HECW1: variants seen among roughly 807,000 people sequenced by gnomAD.
HECW1 encodes the protein E3 ubiquitin-protein ligase HECW1.
HECW1 carries 61 observed loss-of-function variants against 182.3 expected under a neutral mutation model. The observed-to-expected ratio is 0.33, with a 90% CI of 0.27 to 0.41. The LOEUF is 0.41. HECW1 is among the 10% of genes least tolerant of loss of function. The probability of loss-of-function intolerance (pLI) is 1.00; values close to 1 mark genes in which losing one functional copy is unlikely to be tolerated. For missense variants in HECW1, 1,739 were observed against 2,108.9 expected, an observed-to-expected ratio of 0.82 and a Z score of 3.44; for synonymous variants, 859 against 832.6, an observed-to-expected ratio of 1.03 and a Z score of -0.55.
At chr7:43,270,050 A>G (rs530396931) in intron 3 of HECW1, among the ~76,000 whole-genome samples, 4 of 152,376 alleles carry the variant, frequency 2.6e-5, no homozygotes, top group African/African-American at 7.2e-5. Flanking sequence ...CCCTGTTACT[A>G]GAATATAGTA....
At chr7:43,320,870 A>G in intron 5 of HECW1, 128 bp downstream of exon 5, 1 of 710,614 alleles carries the variant, frequency 1.4e-6, no homozygotes, top group Non-Finnish European at 2.5e-6. Context: ...GTGTAGATTT[A>G]AAGAGATCCT....
intron 10 of HECW1, among the ~76,000 whole-genome samples, chr7:43,443,655 A>G (rs1232012004): frequency 3.3e-5 from 5 of 152,128 alleles, no homozygotes; most frequent in Admixed American, 3.3e-4. Flanking sequence ...TTTTTTTTAA[A>G]TTGGAATAAA....
chr7:43,235,801 A>AC (rs1225068858), intron 2 of HECW1, among the ~76,000 whole-genome samples: 1 of 152,066 alleles, frequency 6.6e-6, no homozygotes, highest in Non-Finnish European at 1.5e-5. Context: ...GCATTCTCCT[A>AC]CACACCCAGC....
intron 17 of HECW1, among the ~76,000 whole-genome samples, chr7:43,485,803 A>G (rs115077266): frequency 0.013 from 2,008 of 152,312 alleles, 53 homozygotes; most frequent in African/African-American, 0.045. Context: ...TGTGAGGCCT[A>G]GGACATTACT....
Position 43,444,549 on chromosome 7 carries a change from C to T in HECW1, c.1377C>T (p.Ala459=), listed in dbSNP as rs371948423. The T allele has an allele frequency of 2.3e-5, 37 of 1,610,620 alleles. No individual in the cohort carries two copies. Among genetic ancestry groups the T allele is most frequent in the Middle Eastern group, 3.3e-4 (2 of 6,074 alleles). ...CTGCCCCCAGTGCAGAAGAGCTGGC[C>T]GAGCAGCTGGACCTGGGTGAGGAGG... ...IQPAPSAEEL[A]EQLDLGEEAS... is the part of the protein sequence containing the mutation. Residue 459 remains alanine, a synonymous_variant, in exon 11 of 30, where the codon GCC becomes GCT. Coordinates refer to ENST00000395891, the MANE Select transcript of HECW1 (RefSeq NM_015052.5). The surrounding 1 kb of genome is among the most constrained non-coding windows in gnomAD (Gnocchi z 4.3).
intron 7 of HECW1, among the ~76,000 whole-genome samples, chr7:43,398,187 G>A (rs551961359): frequency 6.1e-4 from 93 of 152,188 alleles, no homozygotes; most frequent in African/African-American, 2.1e-3. Context: ...AACATGGGAG[G>A]TGGAGGTTGC....
Position 43,311,960 on chromosome 7 carries a change from G to A in HECW1, c.225G>A (p.Ser75=), listed in dbSNP as rs1484685623. 3 of 1,614,052 alleles carry A rather than the reference G, an allele frequency of 1.9e-6. No individual in the cohort carries two copies. The highest frequency in any genetic ancestry group is 2.7e-5 in the African/African-American group (2 of 74,928). Residue 75 remains serine, a synonymous_variant, in exon 4 of 30, where the codon TCG becomes TCA. Coordinates refer to ENST00000395891, the MANE Select transcript of HECW1 (RefSeq NM_015052.5). The stretch of plus-strand genomic sequence containing the variant: ...CCAGCGACACTGACCTGGTCACCTC[G>A]GACAGCCGCTCCACGCTCATGGTCA... The part of the protein sequence containing the change: ...RSTSDTDLVT[S]DSRSTLMVSS...
intron 2 of HECW1, among the ~76,000 whole-genome samples, chr7:43,140,679 A>C (rs149628645): frequency 6.6e-6 from 1 of 152,368 alleles, no homozygotes; most frequent in Non-Finnish European, 1.5e-5. Context: ...GAGAACCCAA[A>C]GTAATGCAAA....
At position 43,316,181 on chromosome 7, in the gene HECW1, T is replaced by G. The variant is rs142258342; in HGVS notation, c.352+4094T>G. 1.5e-3 allele frequency among the ~76,000 whole-genome samples: 236 copies of G among 152,318 alleles called. 3 individuals are homozygous for G. Among genetic ancestry groups the G allele is most frequent in the African/African-American group, 5.3e-3 (221 of 41,568 alleles). ...ATTATAATAATCCACAAAGATCCTT[T>G]CTCTATTATAAACTGAGGAGCAGGT... On this transcript the variant is annotated intron_variant, in intron 4 of 29. Coordinates refer to ENST00000395891, the MANE Select transcript of HECW1 (RefSeq NM_015052.5).
At chr7:43,346,773 G>T (rs1016434177) in intron 5 of HECW1, among the ~76,000 whole-genome samples, 1 of 152,106 alleles carries the variant, frequency 6.6e-6, no homozygotes, top group African/African-American at 2.4e-5. Context: ...TTATGTTTTT[G>T]TTTGCTTTGT....
chr7:43,466,684 CAAAG>C, intron 15 of HECW1, 116 bp downstream of exon 15: 1 of 1,190,206 alleles, frequency 8.4e-7, no homozygotes. Flanking sequence ...CAAGAAAAAA[CAAAG>C]AAAACAGCTC....
intron 8 of HECW1, among the ~76,000 whole-genome samples, chr7:43,436,492 T>C (rs571366463): frequency 3.9e-5 from 6 of 152,232 alleles, no homozygotes; most frequent in African/African-American, 1.4e-4. Context: ...TGGGTGGGGC[T>C]GTTTTACAGG....
At chr7:43,187,545 T>C (rs533003078) in intron 2 of HECW1, among the ~76,000 whole-genome samples, 1 of 152,252 alleles carries the variant, frequency 6.6e-6, no homozygotes, top group Non-Finnish European at 1.5e-5. Context: ...CTTTTACTCA[T>C]TCTAAAATCG....
intron 3 of HECW1, among the ~76,000 whole-genome samples, chr7:43,274,748 A>T (rs1802893599): frequency 6.6e-6 from 1 of 152,182 alleles, no homozygotes; most frequent in African/African-American, 2.4e-5. Flanking sequence ...ATACACACTT[A>T]TTGAGCACCT....
At chr7:43,369,240 C>A (rs746672236) in intron 6 of HECW1, among the ~76,000 whole-genome samples, 85 of 152,128 alleles carry the variant, frequency 5.6e-4, no homozygotes, top group Non-Finnish European at 1.6e-4. Context: ...AGGCAGATCA[C>A]CTGAGGTCAA....
chr7:43,336,746 T>G (rs1275048221), intron 5 of HECW1, among the ~76,000 whole-genome samples: 1 of 152,194 alleles, frequency 6.6e-6, no homozygotes, highest in Non-Finnish European at 1.5e-5. Context: ...ATCTCCATCT[T>G]TATGCTCATG....
At chr7:43,133,718 G>GT (rs1258057461) in intron 2 of HECW1, among the ~76,000 whole-genome samples, 3 of 150,346 alleles carry the variant, frequency 2.0e-5, no homozygotes, top group Non-Finnish European at 4.4e-5. Context: ...CTATTTTATT[G>GT]TTTTTTTAAC....
At chr7:43,261,973 C>T (rs1801224493) in intron 3 of HECW1, among the ~76,000 whole-genome samples, 1 of 152,024 alleles carries the variant, frequency 6.6e-6, no homozygotes, top group African/African-American at 2.4e-5. Flanking sequence ...GTAATCCCAG[C>T]TCTGTGTGAA....
intron 6 of HECW1, among the ~76,000 whole-genome samples, chr7:43,367,642 T>G (rs1816812385): frequency 6.6e-6 from 1 of 152,202 alleles, no homozygotes; most frequent in Non-Finnish European, 1.5e-5. Flanking sequence ...ATGCAAAGGA[T>G]CAATGCTGCC....
Sources: allele counts gnomAD v4.1 joint callset (sites outside exome capture counted in the v4.1 genomes callset), GRCh38; gene constraint gnomAD v4.1.1; non-coding constraint Gnocchi (gnomAD v3.1); transcripts MANE v1.5; gene names NCBI Gene and HGNC (gene_info 2026-07-23, HGNC 2026-07-21).